Variants in CENPP observed in about 807,000 individuals in gnomAD.
CENPP encodes centromere protein P.
CENPP carries 24 observed loss-of-function variants against 35.6 expected under a neutral mutation model. That is an observed-to-expected ratio of 0.67 (90% CI 0.49 to 0.95). The LOEUF is 0.95. Ranked by LOEUF, CENPP falls within the 40% of genes least tolerant of loss-of-function variation. CENPP has a pLI of 0.00. For synonymous variants in CENPP, 120 were observed against 125.5 expected (o/e 0.96, Z 0.29); for missense variants, 332 against 345.3 (o/e 0.96, Z 0.31).
Position 92,619,627 on chromosome 9 carries a change from C to CTTCCT in CENPP, c.*6480_*6484dup. ...GGAAGCCTCTGCCCCCCCACACAAC[C>CTTCCT]TTCCTTCCCAGTAGCCAAGTGTGGG... On this transcript the variant is annotated 3_prime_UTR_variant, in exon 8 of 8. Coordinates refer to ENST00000375587, the MANE Select transcript of CENPP (RefSeq NM_001012267.3). The CTTCCT allele has an allele frequency of 7.0e-7, 1 of 1,420,240 alleles. No homozygotes were observed. Among genetic ancestry groups the CTTCCT allele is most frequent in the Admixed American group, 2.0e-5 (1 of 50,758 alleles). 88.0% of individuals were successfully genotyped at this position (1,420,240 alleles called of 1,614,324 possible). A position where few individuals can be genotyped will look rare whatever the true frequency, so the allele number is the denominator to read the frequency against.
intron 4 of CENPP, among the ~76,000 whole-genome samples, chr9:92,360,997 G>A (rs905509236): frequency 6.6e-6 from 1 of 151,886 alleles, no homozygotes; most frequent in Non-Finnish European, 1.5e-5. Context: ...GTGAGCCCCC[G>A]CCCCCGGCCA....
At chr9:92,353,740 A>G (rs1016990952) in intron 4 of CENPP, among the ~76,000 whole-genome samples, 6 of 152,170 alleles carry the variant, frequency 3.9e-5, no homozygotes, top group African/African-American at 1.2e-4. Context: ...AGCAGAATGT[A>G]ATGTCGCAGG....
At chr9:92,594,520 G>A (rs1850732043) in intron 5 of CENPP, among the ~76,000 whole-genome samples, 1 of 152,122 alleles carries the variant, frequency 6.6e-6, no homozygotes, top group Non-Finnish European at 1.5e-5. Context: ...CTATGCAAAT[G>A]GAATAAATTA....
At position 92,618,398 on chromosome 9, in the gene CENPP, A is replaced by C; in HGVS notation, c.*5249A>C. ...CTGGCTTTCCAATTTGACATCACTG[A>C]CCAGGCACTAAGAGATTCCCAGGTG... On this transcript the variant is annotated 3_prime_UTR_variant, in exon 8 of 8. Transcript: ENST00000375587. 1 of 456,570 alleles carries C rather than the reference A, an allele frequency of 2.2e-6. No homozygotes were observed. Among genetic ancestry groups the C allele is most frequent in the South Asian group, 1.5e-5 (1 of 64,560 alleles). 28.3% of individuals were successfully genotyped at this position (456,570 alleles called of 1,614,324 possible).
intron 5 of CENPP, among the ~76,000 whole-genome samples, chr9:92,509,292 T>G (rs1277956792): frequency 6.6e-6 from 1 of 152,130 alleles, no homozygotes. Flanking sequence ...ATTGCCAAAG[T>G]CAAAGTTAAT....
At chr9:92,496,052 T>G in intron 5 of CENPP, 1 of 1,064,860 alleles carries the variant, frequency 9.4e-7, no homozygotes, top group Non-Finnish European at 1.1e-6. Context: ...TCTAGCTCAG[T>G]ATGCATAATA....
chr9:92,404,421 T>G lies in CENPP; in HGVS notation c.564+24562T>G, dbSNP rs997657859. The G allele has an allele frequency of 3.5e-5, 34 of 970,798 alleles. No individual in the cohort carries two copies. In the East Asian group the frequency reaches 2.5e-3, roughly 70 times the overall value. 60.1% of individuals were successfully genotyped at this position (970,798 alleles called of 1,614,324 possible). A position where few individuals can be genotyped will look rare whatever the true frequency, so the allele number is the denominator to read the frequency against. ...CTTAAACCAGAGATGGCCTTTACAT[T>G]TATTAAGACTATTAGATGAGTCAGT... On this transcript the variant is annotated intron_variant, in intron 5 of 7. Coordinates refer to ENST00000375587, the MANE Select transcript of CENPP (RefSeq NM_001012267.3).
chr9:92,399,240 A>C (rs1304528735), intron 5 of CENPP, among the ~76,000 whole-genome samples: 1 of 151,934 alleles, frequency 6.6e-6, no homozygotes, highest in Non-Finnish European at 1.5e-5. Context: ...TCATACTTCA[A>C]TTTTTTTCAA....
intron 5 of CENPP, among the ~76,000 whole-genome samples, chr9:92,575,860 C>G (rs553217871): frequency 6.6e-6 from 1 of 151,860 alleles, no homozygotes; most frequent in South Asian, 2.1e-4. Context: ...ATAACAAGCA[C>G]TGGCAAGAAA....
At chr9:92,553,844 G>A (rs183431534) in intron 5 of CENPP, among the ~76,000 whole-genome samples, 30 of 152,156 alleles carry the variant, frequency 2.0e-4, no homozygotes, top group Non-Finnish European at 2.8e-4. Flanking sequence ...CAAGGTAAAC[G>A]ATCATATTGT....
chr9:92,456,415 T>C (rs549868322), intron 5 of CENPP: 1 of 152,706 alleles, frequency 6.5e-6, no homozygotes, highest in Non-Finnish European at 1.5e-5. Flanking sequence ...GACAATTTGG[T>C]GTAGAATTGT....
upstream of CENPP, chr9:92,325,817 C>T (rs75143055): frequency 1.4e-3 from 759 of 554,268 alleles, 8 homozygotes; most frequent in African/African-American, 0.014. Flanking sequence ...CTCAGGCTCT[C>T]GTGCGAGAGC....
intron 5 of CENPP, chr9:92,416,970 A>C (rs761565851): frequency 1.2e-6 from 2 of 1,614,000 alleles, no homozygotes; most frequent in South Asian, 2.2e-5. Context: ...TCATGAAGAT[A>C]ATTATAACAG....
chr9:92,598,865 T>C (rs1223581417), intron 5 of CENPP, among the ~76,000 whole-genome samples: 1 of 151,848 alleles, frequency 6.6e-6, no homozygotes, highest in Non-Finnish European at 1.5e-5. Flanking sequence ...CCCAGCACTT[T>C]GGCAGGCCGA....
In CENPP at chr9:92,392,955, C is replaced by T. The variant is rs1842746408; in HGVS notation, c.564+13096C>T. Reference sequence around the variant, plus strand: ...AACAAATGAATGGACTTTTGTGAAACATGTTAGATATTTATGTACTTCAAG... The same window carrying T: ...AACAAATGAATGGACTTTTGTGAAATATGTTAGATATTTATGTACTTCAAG... On this transcript the variant is annotated intron_variant, in intron 5 of 7. Transcript: ENST00000375587. 3 of 641,870 alleles carry T rather than the reference C, an allele frequency of 4.7e-6. No individual in the cohort carries two copies. In the Admixed American group the frequency reaches 9.3e-5, roughly 20 times the overall value. 39.8% of individuals were successfully genotyped at this position (641,870 alleles called of 1,614,324 possible). A position where few individuals can be genotyped will look rare whatever the true frequency, so the allele number is the denominator to read the frequency against.
intron 5 of CENPP, among the ~76,000 whole-genome samples, chr9:92,597,765 C>T (rs1034324137): frequency 5.9e-5 from 9 of 152,208 alleles, no homozygotes; most frequent in Non-Finnish European, 1.0e-4. Flanking sequence ...AAAATTACTA[C>T]ATGATTAACT....
chr9:92,599,899 T>A (rs1850869231), intron 5 of CENPP, among the ~76,000 whole-genome samples: 1 of 152,224 alleles, frequency 6.6e-6, no homozygotes, highest in Non-Finnish European at 1.5e-5. Context: ...CTGTGTCTCA[T>A]GAACATCCAA....
intron 5 of CENPP, chr9:92,403,731 A>T (rs1564302495): frequency 1.4e-6 from 1 of 734,808 alleles, no homozygotes; most frequent in Non-Finnish European, 1.7e-6. Context: ...TTCAGCAGAC[A>T]TACTAATATT....
intron 5 of CENPP, chr9:92,424,355 G>A (rs796239656): frequency 5.9e-5 from 9 of 152,194 alleles, no homozygotes; most frequent in African/African-American, 2.2e-4. Context: ...AGCAATTTAA[G>A]CAAATACAAT....
Sources: allele counts gnomAD v4.1 joint callset (sites outside exome capture counted in the v4.1 genomes callset), GRCh38; gene constraint gnomAD v4.1.1; transcripts MANE v1.5; gene names NCBI Gene and HGNC (gene_info 2026-07-23, HGNC 2026-07-21).